MYOM3: variants seen among roughly 807,000 people sequenced by gnomAD.
The protein encoded by MYOM3 is myomesin-3.
A neutral mutation model predicts 191.7 loss-of-function variants in MYOM3; 155 were observed. That is an observed-to-expected ratio of 0.81 (90% CI 0.71 to 0.92). The LOEUF (loss-of-function observed/expected upper bound fraction) is 0.92. MYOM3 is among the 40% of genes least tolerant of loss of function. The pLI, the probability that MYOM3 is intolerant of heterozygous loss-of-function variation, is 0.00. For missense variants in MYOM3, 1,889 were observed against 1,890.6 expected, an observed-to-expected ratio of 1.00 and a Z score of 0.02; for synonymous variants, 757 against 762.9, an observed-to-expected ratio of 0.99 and a Z score of 0.13.
chr1:24,081,557 G>C, intron 18 of MYOM3, 101 bp from the exon 19 acceptor site: 1 of 1,381,616 alleles, frequency 7.2e-7, no homozygotes, highest in Non-Finnish European at 9.9e-7. Context: ...GTCTGTGGGG[G>C]CTTTGCTTTT....
At chr1:24,067,340 CTT>C (rs759291015) in intron 27 of MYOM3, among the ~76,000 whole-genome samples, 3 of 76,114 alleles carry the variant, frequency 3.9e-5, no homozygotes, top group African/African-American at 5.0e-5. Flanking sequence ...TTCTTTCTTT[CTT>C]TCTTTCTTTC....
At chr1:24,095,042 C>T (rs777698332) in intron 8 of MYOM3, 52 bp from the exon 9 acceptor site, 15 of 1,584,444 alleles carry the variant, frequency 9.5e-6, no homozygotes, top group Non-Finnish European at 1.3e-5. Context: ...GCCAGCCTGG[C>T]CTGGGACTTA....
intron 23 of MYOM3, among the ~76,000 whole-genome samples, chr1:24,073,786 C>A (rs931801000): frequency 2.7e-5 from 4 of 149,086 alleles, no homozygotes; most frequent in African/African-American, 1.0e-4. Flanking sequence ...TTGCTTGAAC[C>A]CGGGAGGCGG....
rs1289608704 is a variant in MYOM3 at position 24,076,724 on chromosome 1, C to T, written c.2587-451G>A. ...GAGACGGGGTTTCACCGTTTTTAGCCGGGATGGTCTCGATCTCCTGACCTC... is the reference window on the plus strand; with the variant it reads ...GAGACGGGGTTTCACCGTTTTTAGCTGGGATGGTCTCGATCTCCTGACCTC... On this transcript the variant is annotated intron_variant, in intron 20 of 36. Transcript: ENST00000374434. Among the ~76,000 whole-genome samples the T allele has an allele frequency of 1.3e-4, 11 of 84,772 alleles. 3 individuals carry two copies. The highest frequency in any genetic ancestry group is 2.4e-4 in the African/African-American group (6 of 25,394). 55.6% of individuals were successfully genotyped at this position (84,772 alleles called of 152,430 possible). A position where few individuals can be genotyped will look rare whatever the true frequency, so the allele number is the denominator to read the frequency against.
chr1:24,066,833 C>T (rs140164126), intron 28 of MYOM3, 188 bp downstream of exon 28: 17 of 559,304 alleles, frequency 3.0e-5, no homozygotes, highest in East Asian at 8.9e-5. Flanking sequence ...ACCCCATGGG[C>T]GCTGGGAAGG....
In MYOM3 at chr1:24,068,238, T is replaced by C. The variant is rs758100334; in HGVS notation, c.3280A>G (p.Thr1094Ala). The change falls in exon 26 of 37, where the codon ACA becomes GCA. Residue 1094 changes from threonine to alanine, a missense_variant. Physicochemically the swap from Thr to Ala is moderately conservative, Grantham distance 58. Transcript: ENST00000374434. ...CATGGCTGACCGTCATCCACCAGTG[T>C]CAAGGTAATCTGGTTTTTGGCTTTT... is the stretch of plus-strand genomic sequence containing the variant. ...DGKAKNQITL[T>A]LVDDDFDKLL... is the part of the protein sequence containing the mutation. The C allele has an allele frequency of 1.2e-6, 2 of 1,613,152 alleles. No individual in the cohort carries two copies. Among genetic ancestry groups the C allele is most frequent in the Non-Finnish European group, 1.7e-6 (2 of 1,179,998 alleles).
In MYOM3 at chr1:24,067,875, C is replaced by T. The variant is rs1055075706; in HGVS notation, c.3355+95G>A. 8.8e-6 allele frequency: 11 copies of T among 1,248,416 alleles called. No individual in the cohort carries two copies. In the African/African-American group the frequency reaches 1.6e-4, roughly 18 times the overall value. The allele number at this position is 1,248,416 out of a possible 1,614,324, so 77.3% of individuals were successfully genotyped here. A position where few individuals can be genotyped will look rare whatever the true frequency, so the allele number is the denominator to read the frequency against. ...AATGACAGTGGACCTCCCTTGGGGA[C>T]CCAGCAGGGCTGGGGTTCCCATTAA... On this transcript the variant is annotated intron_variant, in intron 27 of 36. Transcript: ENST00000374434.
chr1:24,095,017 G>T, intron 8 of MYOM3, 27 bp from the exon 9 acceptor site: 1 of 1,605,488 alleles, frequency 6.2e-7, no homozygotes, highest in Non-Finnish European at 8.5e-7. Context: ...ATTTGGGGCA[G>T]AAGTTTTTGA....
intron 36 of MYOM3, 51 bp downstream of exon 36, chr1:24,058,873 C>G: frequency 7.2e-7 from 1 of 1,383,160 alleles, no homozygotes; most frequent in Non-Finnish European, 1.0e-6. Context: ...GGTGGATGCA[C>G]GAAGGAACAC....
intron 9 of MYOM3, 86 bp from the exon 10 acceptor site, chr1:24,093,194 C>T (rs1056567359): frequency 3.6e-6 from 3 of 839,668 alleles, no homozygotes; most frequent in African/African-American, 1.7e-5. Flanking sequence ...GTCTGGAGAC[C>T]CTGGCTGGGC....
chr1:24,076,252 T>A lies in MYOM3; in HGVS notation c.2608A>T (p.Lys870Ter). Residue 870 changes from lysine to a stop codon, truncating the protein, a stop_gained, in exon 21 of 37, where the codon AAG (lysine) becomes TAG (stop). Transcript: ENST00000374434. LOFTEE classifies it high-confidence loss of function. ...HLRVSDLQPG[K>*]SYVFQVQAMN... ...GCCTGTACCTGGAACACGTAACTCT[T>A]TCCTGGCTGCAAGTCGGAAACCTGG... 1.2e-6 allele frequency: 2 copies of A among 1,614,084 alleles called. No individual in the cohort carries two copies. Among genetic ancestry groups the A allele is most frequent in the Middle Eastern group, 3.3e-4 (2 of 6,062 alleles).
chr1:24,092,951 C>T lies in MYOM3; in HGVS notation c.1086G>A (p.Val362=). Residue 362 remains valine, a synonymous_variant, in exon 10 of 37, where the codon GTG becomes GTA. Transcript: ENST00000374434. ...TGCGCCCACCCATGCCCTCACCTCT[C>T]ACAAGCACGTAGGTGCTCTGTTCCC... ...GPREQSTYVL[V]RDAEAENPGA... The T allele has an allele frequency of 6.4e-7, 1 of 1,570,862 alleles. No homozygotes were observed. The highest frequency in any genetic ancestry group is 8.6e-7 in the Non-Finnish European group (1 of 1,160,440).
At chr1:24,082,540 G>T (rs1397348619) in intron 17 of MYOM3, 53 bp downstream of exon 17, 3 of 1,513,540 alleles carry the variant, frequency 2.0e-6, no homozygotes, top group Non-Finnish European at 2.6e-6. Flanking sequence ...ATGAGCCCCA[G>T]CTCCCTGCCC....
rs777448928 is a variant in MYOM3 at position 24,076,146 on chromosome 1, C to T, written c.2701+13G>A. On this transcript the variant is annotated intron_variant, in intron 21 of 36. Transcript: ENST00000374434. ...CCCAGTGGCAGAGCTCTGGCCTCTCCGGCCACCCCTACCTGGCTTGTCCTC... is the reference window on the plus strand; with the variant it reads ...CCCAGTGGCAGAGCTCTGGCCTCTCTGGCCACCCCTACCTGGCTTGTCCTC... 20 of 1,603,754 alleles carry T rather than the reference C, an allele frequency of 1.2e-5. No homozygotes were observed. The highest frequency in any genetic ancestry group is 4.5e-5 in the East Asian group (2 of 44,850).
intron 15 of MYOM3, among the ~76,000 whole-genome samples, chr1:24,085,113 G>C (rs1013658927): frequency 7.4e-6 from 1 of 134,410 alleles, no homozygotes; most frequent in African/African-American, 2.8e-5. Context: ...TGGATGAATG[G>C]ATGGATGGAT....
At position 24,063,090 on chromosome 1, in the gene MYOM3, C is replaced by T; in HGVS notation, c.3770+36G>A. 1 of 1,475,434 alleles carries T rather than the reference C, an allele frequency of 6.8e-7. No homozygotes were observed. The highest frequency in any genetic ancestry group is 9.5e-7 in the Non-Finnish European group (1 of 1,055,712). 91.4% of individuals were successfully genotyped at this position (1,475,434 alleles called of 1,614,324 possible). On this transcript the variant is annotated intron_variant, in intron 32 of 36. Coordinates refer to ENST00000374434, the MANE Select transcript of MYOM3 (RefSeq NM_152372.4). This position sits in a 1 kb window ranked among gnomAD's most constrained non-coding sequence, Gnocchi z 4.5. ...CATGGGTCAGGTGCTGAATCCTTTC[C>T]AGCCTGGCTGGGGTTCTGGGGCAAG...
At chr1:24,097,202 T>C (rs1277995119) in intron 7 of MYOM3, among the ~76,000 whole-genome samples, 1 of 152,154 alleles carries the variant, frequency 6.6e-6, no homozygotes, top group African/African-American at 2.4e-5. Flanking sequence ...TTGGCTTTTG[T>C]CCCTGAGGAC....
At chr1:24,106,303 G>T (rs568706514) in intron 4 of MYOM3, among the ~76,000 whole-genome samples, 1 of 152,326 alleles carries the variant, frequency 6.6e-6, no homozygotes, top group African/African-American at 2.4e-5. Flanking sequence ...CCATAGGCAG[G>T]TCCTCAGTGT....
chr1:24,093,498 G>C (rs534979646), intron 9 of MYOM3, among the ~76,000 whole-genome samples: 18 of 152,150 alleles, frequency 1.2e-4, no homozygotes, highest in Non-Finnish European at 2.2e-4. Flanking sequence ...GCTCAGTAAA[G>C]GGCCTGGGTC....
Sources: allele counts gnomAD v4.1 joint callset (sites outside exome capture counted in the v4.1 genomes callset), GRCh38; gene constraint gnomAD v4.1.1; non-coding constraint Gnocchi (gnomAD v3.1); transcripts MANE v1.5; gene names NCBI Gene and HGNC (gene_info 2026-07-23, HGNC 2026-07-21).